The following MYO5C variants were observed in gnomAD, a reference collection of about 807,000 sequenced individuals.
MYO5C encodes myosin VC.
MYO5C carries 194 observed loss-of-function variants against 235.7 expected under a neutral mutation model. That is an observed-to-expected ratio of 0.82 (90% CI 0.73 to 0.93). The LOEUF is 0.93. Ranked by LOEUF, MYO5C falls within the 40% of genes least tolerant of loss-of-function variation. The pLI is 0.00. For synonymous variants in MYO5C, 707 were observed against 754.8 expected (o/e 0.94, Z 1.04); for missense variants, 2,038 against 2,127.2 (o/e 0.96, Z 0.82).
chr15:52,222,164 TTACAA>T (rs2035702850), intron 29 of MYO5C, among the ~76,000 whole-genome samples: 1 of 152,312 alleles, frequency 6.6e-6, no homozygotes, highest in South Asian at 2.1e-4. Context: ...CATTTTCAAC[TTACAA>T]TACAATACTT....
At chr15:52,238,263 T>C (rs1224175269) in intron 21 of MYO5C, among the ~76,000 whole-genome samples, 1 of 152,214 alleles carries the variant, frequency 6.6e-6, no homozygotes, top group Non-Finnish European at 1.5e-5. Context: ...AGTGATACTT[T>C]GCTATGACAG....
intron 38 of MYO5C, among the ~76,000 whole-genome samples, chr15:52,198,977 T>C (rs998526541): frequency 6.6e-6 from 1 of 152,098 alleles, no homozygotes; most frequent in South Asian, 2.1e-4. Flanking sequence ...CACTGCAAGC[T>C]CTGCCTCCCT....
At chr15:52,264,369 A>T in intron 8 of MYO5C, 73 bp from the exon 9 acceptor site, 2 of 1,170,568 alleles carry the variant, frequency 1.7e-6, no homozygotes, top group Non-Finnish European at 2.5e-6. Flanking sequence ...ACCTGGATTC[A>T]TTCAAGATAT....
At chr15:52,270,311 A>G (rs2036891627) in intron 7 of MYO5C, among the ~76,000 whole-genome samples, 1 of 152,118 alleles carries the variant, frequency 6.6e-6, no homozygotes, top group African/African-American at 2.4e-5. Context: ...AAAATCCTAC[A>G]TAACAGACAC....
Position 52,237,502 on chromosome 15 carries a change from A to T in MYO5C, c.2848T>A (p.Tyr950Asn). ...CTGACCTCTTCCACAGCATCCCTGT[A>T]TCTCTTCCCCTTCTCCTCGTAATTT... Reference protein sequence around the residue: ...RRNYEEKGKRYRDAVEEKLAK... With the variant: ...RRNYEEKGKRNRDAVEEKLAK... The change falls in exon 22 of 41, where the codon TAC becomes AAC. Residue 950 changes from tyrosine to asparagine, a missense_variant. Tyr to Asn is a moderately radical substitution (Grantham distance 143, BLOSUM62 -2). Coordinates refer to ENST00000261839, the MANE Select transcript of MYO5C (RefSeq NM_018728.4). 1 of 1,614,080 alleles carries T rather than the reference A, an allele frequency of 6.2e-7. No individual in the cohort carries two copies. The highest frequency in any genetic ancestry group is 1.7e-5 in the Admixed American group (1 of 60,004).
In MYO5C at chr15:52,248,705, T is replaced by C. The variant is rs775513866; in HGVS notation, c.1741A>G (p.Ser581Gly). 3 of 1,613,640 alleles carry C rather than the reference T, an allele frequency of 1.9e-6. No homozygotes were observed. Among genetic ancestry groups the C allele is most frequent in the Non-Finnish European group, 1.7e-6 (2 of 1,179,566 alleles). The part of the protein sequence containing the change: ...YDMLVEILRA[S>G]KFHLCANFFQ... ...ACCCCTAGGACTTTACAGACCTTGC[T>C]TGCTCTCAGGATTTCAACCAGCATG... The change falls in exon 14 of 41, where the codon AGC becomes GGC. Residue 581 changes from serine to glycine, a missense_variant. By Grantham distance (56) the Ser-to-Gly change is moderately conservative. Coordinates refer to ENST00000261839, the MANE Select transcript of MYO5C (RefSeq NM_018728.4).
intron 5 of MYO5C, 63 bp from the exon 6 acceptor site, chr15:52,272,786 G>C: frequency 1.9e-6 from 3 of 1,562,566 alleles, no homozygotes; most frequent in Non-Finnish European, 1.8e-6. Context: ...AAAATTATTG[G>C]AGGGGTTTTT....
chr15:52,201,756 T>C (rs1253358928), intron 38 of MYO5C, among the ~76,000 whole-genome samples: 1 of 151,908 alleles, frequency 6.6e-6, no homozygotes, highest in Non-Finnish European at 1.5e-5. Context: ...ATAAGACCAC[T>C]GCAACATAAA....
At position 52,226,918 on chromosome 15, in the gene MYO5C, C is replaced by T. The variant is rs1459675891; in HGVS notation, c.3208-1386G>A. 2.6e-5 allele frequency among the ~76,000 whole-genome samples: 4 copies of T among 152,014 alleles called. No homozygotes were observed. The East Asian group carries it at 5.8e-4, about 22-fold the overall frequency. On this transcript the variant is annotated intron_variant, in intron 25 of 40. Coordinates refer to ENST00000261839, the MANE Select transcript of MYO5C (RefSeq NM_018728.4). The stretch of plus-strand genomic sequence containing the variant: ...ATCTCAGCACTTTGGGAGGCTAGTG[C>T]GGGTGGATCACCTGAGGTCAGGACT...
chr15:52,272,824 G>A (rs1264902307), intron 5 of MYO5C, 101 bp from the exon 6 acceptor site: 13 of 1,216,986 alleles, frequency 1.1e-5, no homozygotes, highest in Admixed American at 2.4e-5. Flanking sequence ...TACCCTAGGG[G>A]AAGGTCTGAT....
intron 11 of MYO5C, among the ~76,000 whole-genome samples, chr15:52,256,014 T>C (rs1050188557): frequency 1.3e-5 from 2 of 152,204 alleles, no homozygotes; most frequent in Non-Finnish European, 2.9e-5. Context: ...CCATAATCCA[T>C]TGGCCATCTG....
chr15:52,248,609 C>G, intron 14 of MYO5C, 91 bp downstream of exon 14: 9 of 874,490 alleles, frequency 1.0e-5, no homozygotes, highest in African/African-American at 1.7e-5. Flanking sequence ...CACACACACT[C>G]TCTCTCTCTC....
intron 12 of MYO5C, 98 bp from the exon 13 acceptor site, chr15:52,251,613 CT>C (rs1566979938): frequency 5.8e-6 from 4 of 687,880 alleles, no homozygotes; most frequent in Non-Finnish European, 9.0e-6. Flanking sequence ...TGATTTGGCA[CT>C]TAGTGAACTG....
rs553433767 is a variant in MYO5C, at chr15:52,286,254, G to A, written c.28-3362C>T. Among the ~76,000 whole-genome samples, 416 of 148,594 alleles carry A rather than the reference G, an allele frequency of 2.8e-3. 2 individuals are homozygous for A. The highest frequency in any genetic ancestry group is 7.9e-3 in the African/African-American group (317 of 40,228). On this transcript the variant is annotated intron_variant, in intron 1 of 40. Transcript: ENST00000261839. Reference sequence around the variant, plus strand: ...CAGCCCCCGCCAGGCCAGCCGCCTCGTCTGGGAGGGAGGTGGGGGTCAGCC... The same window carrying A: ...CAGCCCCCGCCAGGCCAGCCGCCTCATCTGGGAGGGAGGTGGGGGTCAGCC...
chr15:52,239,573 C>A (rs2036166916), intron 21 of MYO5C, among the ~76,000 whole-genome samples, 160 bp downstream of exon 21: 1 of 152,242 alleles, frequency 6.6e-6, no homozygotes, highest in African/African-American at 2.4e-5. Context: ...ACCATAGCAA[C>A]CCTTTACAGT....
chr15:52,208,809 TAGG>T (rs1360039287), intron 35 of MYO5C, among the ~76,000 whole-genome samples, 166 bp from the exon 36 acceptor site: 41 of 152,366 alleles, frequency 2.7e-4, no homozygotes, highest in African/African-American at 9.6e-4. Flanking sequence ...ATTTATTTAA[TAGG>T]TCACAGTTTG....
chr15:52,195,242 T>A, intron 40 of MYO5C, 135 bp downstream of exon 40: 1 of 581,218 alleles, frequency 1.7e-6, no homozygotes, highest in Non-Finnish European at 2.9e-6. Flanking sequence ...TGCTTACCTT[T>A]GAGCTGGGTG....
At chr15:52,291,731 G>GGTTTTT (rs2037391835) in intron 1 of MYO5C, among the ~76,000 whole-genome samples, 1 of 52,562 alleles carries the variant, frequency 1.9e-5, no homozygotes, top group Admixed American at 3.0e-4. Flanking sequence ...CATATTTTAT[G>GGTTTTT]TTTTTTTTTT....
At chr15:52,212,248 C>T (rs1216586314) in intron 34 of MYO5C, among the ~76,000 whole-genome samples, 1 of 152,184 alleles carries the variant, frequency 6.6e-6, no homozygotes, top group Non-Finnish European at 1.5e-5. Flanking sequence ...CGTACAGTGT[C>T]CACAGTCACA....
Sources: allele counts gnomAD v4.1 joint callset (sites outside exome capture counted in the v4.1 genomes callset), GRCh38; gene constraint gnomAD v4.1.1; transcripts MANE v1.5; gene names NCBI Gene and HGNC (gene_info 2026-07-23, HGNC 2026-07-21).